The following PID1 variants were observed in gnomAD, a reference collection of about 807,000 sequenced individuals.
PID1 encodes phosphotyrosine interaction domain containing 1.
A neutral mutation model predicts 19.1 loss-of-function variants in PID1; 10 were observed. The observed-to-expected ratio is 0.52, with a 90% confidence interval of 0.32 to 0.89. The LOEUF (loss-of-function observed/expected upper bound fraction) is 0.89, where lower values mean the gene tolerates loss of function less well. PID1 is among the 40% of genes least tolerant of loss of function. The pLI, the probability that PID1 is intolerant of heterozygous loss-of-function variation, is 0.03. For synonymous variants in PID1, 130 were observed against 116.0 expected, an observed-to-expected ratio of 1.12 and a Z score of -0.78; for missense variants, 248 against 285.3, an observed-to-expected ratio of 0.87 and a Z score of 0.94.
chr2:229,070,826 G>A (rs1021666605), intron 2 of PID1, among the ~76,000 whole-genome samples: 2 of 152,136 alleles, frequency 1.3e-5, no homozygotes, highest in Admixed American at 1.3e-4. Flanking sequence ...AAGGGAAAAA[G>A]CACCAGGGCT....
At chr2:229,077,447 G>T (rs185863016) in intron 2 of PID1, among the ~76,000 whole-genome samples, 6 of 152,188 alleles carry the variant, frequency 3.9e-5, no homozygotes, top group Non-Finnish European at 8.8e-5. Context: ...TTTTAGTCAT[G>T]AAGTCTTTGC....
chr2:229,171,208 G>T (rs1690706337), intron 1 of PID1, among the ~76,000 whole-genome samples: 1 of 152,176 alleles, frequency 6.6e-6, no homozygotes, highest in Admixed American at 6.5e-5. Flanking sequence ...TTCCTTACAG[G>T]AATATGTTTT....
chr2:229,253,296 A>T (rs2106285530), intron 1 of PID1, among the ~76,000 whole-genome samples: 1 of 152,280 alleles, frequency 6.6e-6, no homozygotes, highest in East Asian at 1.9e-4. Flanking sequence ...TACCAAAATT[A>T]CTTTATTTGT....
At chr2:229,183,786 T>C (rs1277989341) in intron 1 of PID1, among the ~76,000 whole-genome samples, 6 of 151,706 alleles carry the variant, frequency 4.0e-5, no homozygotes, top group Admixed American at 3.9e-4. Flanking sequence ...GCTTGCCAAC[T>C]GTAGATCTCT....
At chr2:229,184,938 A>G (rs995967519) in intron 1 of PID1, among the ~76,000 whole-genome samples, 38 of 127,520 alleles carry the variant, frequency 3.0e-4, no homozygotes, top group African/African-American at 9.2e-4. Context: ...TATCCCATAT[A>G]TATATCCTAT....
intron 2 of PID1, among the ~76,000 whole-genome samples, chr2:229,034,780 CA>C (rs1456117913): frequency 6.6e-6 from 1 of 151,498 alleles, no homozygotes; most frequent in Non-Finnish European, 1.5e-5. Context: ...TATGTATAAG[CA>C]AAAAATGAAC....
intron 1 of PID1, among the ~76,000 whole-genome samples, chr2:229,174,307 T>C (rs2106212144): frequency 6.6e-6 from 1 of 152,176 alleles, no homozygotes. Flanking sequence ...ATTCAATAAG[T>C]AGTTTATGGA....
At chr2:229,173,099 G>A (rs549676784) in intron 1 of PID1, among the ~76,000 whole-genome samples, 1 of 152,230 alleles carries the variant, frequency 6.6e-6, no homozygotes, top group Non-Finnish European at 1.5e-5. Context: ...CTCTCCATGT[G>A]AGCTCTCCAT....
intron 2 of PID1, among the ~76,000 whole-genome samples, chr2:229,147,062 A>G (rs1021063823): frequency 4.6e-5 from 7 of 152,166 alleles, no homozygotes; most frequent in African/African-American, 1.7e-4. Context: ...CCTTCAGCAA[A>G]CCAGTATGTC....
At chr2:229,072,705 T>G (rs1694481329) in intron 2 of PID1, among the ~76,000 whole-genome samples, 1 of 152,230 alleles carries the variant, frequency 6.6e-6, no homozygotes, top group African/African-American at 2.4e-5. Context: ...AAACATGTAT[T>G]GTTACGTATT....
intron 2 of PID1, among the ~76,000 whole-genome samples, chr2:229,136,813 AC>A (rs1689866518): frequency 6.6e-6 from 1 of 152,148 alleles, no homozygotes; most frequent in Non-Finnish European, 1.5e-5. Context: ...TTAACTTAAA[AC>A]TATTCACAGC....
At chr2:229,155,167 A>G (rs1280238404) in intron 2 of PID1, among the ~76,000 whole-genome samples, 1 of 152,188 alleles carries the variant, frequency 6.6e-6, no homozygotes, top group Non-Finnish European at 1.5e-5. Context: ...TGAAAGAACA[A>G]AGGGAAGAAT....
intron 1 of PID1, among the ~76,000 whole-genome samples, chr2:229,172,393 T>C (rs1690728010): frequency 1.3e-5 from 2 of 152,192 alleles, no homozygotes; most frequent in East Asian, 1.9e-4. Context: ...GTTCCAACAG[T>C]GCCATGCTCT....
intron 2 of PID1, among the ~76,000 whole-genome samples, chr2:229,153,212 T>C (rs1258348065): frequency 6.6e-6 from 1 of 152,224 alleles, no homozygotes; most frequent in Non-Finnish European, 1.5e-5. Flanking sequence ...AATTAAAGAA[T>C]AAAACACCAG....
At chr2:229,121,602 G>A (rs1157291120) in intron 2 of PID1, among the ~76,000 whole-genome samples, 2 of 152,130 alleles carry the variant, frequency 1.3e-5, no homozygotes, top group Non-Finnish European at 2.9e-5. Context: ...GTTTTTAGAA[G>A]CTGGGTAATG....
intron 2 of PID1, among the ~76,000 whole-genome samples, chr2:229,121,195 A>G (rs1695511163): frequency 6.6e-6 from 1 of 152,292 alleles, no homozygotes; most frequent in Admixed American, 6.5e-5. Context: ...CATAGAATAT[A>G]GAGCCACCTG....
chr2:229,126,588 A>G (rs558630896), intron 2 of PID1, among the ~76,000 whole-genome samples: 1 of 152,324 alleles, frequency 6.6e-6, no homozygotes, highest in African/African-American at 2.4e-5. Flanking sequence ...CCTTTCCTCC[A>G]TCATGTAAAA....
chr2:229,220,906 GA>G (rs749632097), intron 1 of PID1, among the ~76,000 whole-genome samples: 222 of 148,720 alleles, frequency 1.5e-3, no homozygotes, highest in Non-Finnish European at 2.1e-3. Context: ...ATATTTTAGT[GA>G]AAAAAAAAAT....
At chr2:229,146,333 C>T (rs962154277) in intron 2 of PID1, among the ~76,000 whole-genome samples, 4 of 152,030 alleles carry the variant, frequency 2.6e-5, no homozygotes, top group Non-Finnish European at 5.9e-5. Flanking sequence ...GTCAGGGGGT[C>T]AGGGGCAAGG....
Sources: allele counts gnomAD v4.1 joint callset (sites outside exome capture counted in the v4.1 genomes callset), GRCh38; gene constraint gnomAD v4.1.1; transcripts MANE v1.5; gene names NCBI Gene and HGNC (gene_info 2026-07-23, HGNC 2026-07-21).